The following PARD3B variants were observed in gnomAD, a reference collection of about 807,000 sequenced individuals.
The protein encoded by PARD3B is par-3 family cell polarity regulator beta, also known as partitioning defective 3 homolog B.
Under a neutral mutation model 130.2 loss-of-function variants are expected in PARD3B, and 103 were observed. That is an observed-to-expected ratio of 0.79 (90% CI 0.67 to 0.93). The LOEUF (loss-of-function observed/expected upper bound fraction) is 0.93. Among genes scored for constraint, PARD3B ranks in the 40% least tolerant of loss-of-function variants. The pLI is 0.00. For missense variants in PARD3B, 1,609 were observed against 1,499.2 expected (o/e 1.07, Z -1.21); for synonymous variants, 583 against 553.2 (o/e 1.05, Z -0.76).
chr2:204,866,313 GC>G (rs2045412554), intron 2 of PARD3B, among the ~76,000 whole-genome samples: 1 of 152,034 alleles, frequency 6.6e-6, no homozygotes, highest in Non-Finnish European at 1.5e-5. Context: ...TTCTCTGTGA[GC>G]TTTTGTTGTG....
chr2:204,863,997 A>C (rs979254709), intron 2 of PARD3B, among the ~76,000 whole-genome samples: 1 of 152,190 alleles, frequency 6.6e-6, no homozygotes, highest in Non-Finnish European at 1.5e-5. Flanking sequence ...TATCACTTTC[A>C]TTTAAGCTGT....
At chr2:205,431,857 A>G (rs549461210) in intron 19 of PARD3B, among the ~76,000 whole-genome samples, 4 of 152,276 alleles carry the variant, frequency 2.6e-5, no homozygotes, top group Admixed American at 1.3e-4. Context: ...AAACACCTCA[A>G]CAGAATTCAA....
chr2:205,318,322 G>A (rs562910885), intron 18 of PARD3B, among the ~76,000 whole-genome samples: 4 of 152,268 alleles, frequency 2.6e-5, no homozygotes, highest in Middle Eastern at 6.8e-3. Flanking sequence ...AAAGATGGAG[G>A]ACTTTGACCA....
rs566966306 is a variant in PARD3B, at chr2:205,429,642, T to C, written c.2742-10728T>C. Among the ~76,000 whole-genome samples, 4 of 152,318 alleles carry C rather than the reference T, an allele frequency of 2.6e-5. No individual in the cohort carries two copies. The East Asian group carries it at 5.8e-4, about 22-fold the overall frequency. On this transcript the variant is annotated intron_variant, in intron 19 of 22. Transcript: ENST00000406610. Reference sequence around the variant, plus strand: ...TATAACTGTACTTTGTTATGTTAAATTTAGAAAAATACACATTTTTCCAAA... The same window carrying C: ...TATAACTGTACTTTGTTATGTTAAACTTAGAAAAATACACATTTTTCCAAA...
At chr2:205,342,911 CTT>C in intron 18 of PARD3B, among the ~76,000 whole-genome samples, 1 of 152,244 alleles carries the variant, frequency 6.6e-6, no homozygotes, top group East Asian at 1.9e-4. Context: ...TCTGGAATCT[CTT>C]TTGTCTGTTA....
chr2:205,033,835 A>G (rs1223185786), intron 3 of PARD3B, among the ~76,000 whole-genome samples: 1 of 152,170 alleles, frequency 6.6e-6, no homozygotes, highest in African/African-American at 2.4e-5. Flanking sequence ...AAGTATCACA[A>G]ACTGAAAGAT....
chr2:204,581,327 A>T (rs1181815523), intron 1 of PARD3B, among the ~76,000 whole-genome samples: 1 of 152,162 alleles, frequency 6.6e-6, no homozygotes, highest in Non-Finnish European at 1.5e-5. Context: ...TAAATTCTTT[A>T]TTCTTTTTCT....
intron 3 of PARD3B, among the ~76,000 whole-genome samples, chr2:205,030,369 C>T (rs906143487): frequency 3.9e-5 from 6 of 152,138 alleles, no homozygotes; most frequent in African/African-American, 1.4e-4. Flanking sequence ...GTGGAGACAT[C>T]TTTGTCATTT....
rs547906135 is a variant in PARD3B, at chr2:205,156,217, A to G, written c.1435-2505A>G. Among the ~76,000 whole-genome samples, 18 of 141,388 alleles carry G rather than the reference A, an allele frequency of 1.3e-4. No homozygotes were observed. The East Asian group carries it at 2.8e-3, about 22-fold the overall frequency. The allele number at this position is 141,388 out of a possible 152,430, so 92.8% of individuals were successfully genotyped here. On this transcript the variant is annotated intron_variant, in intron 10 of 22. Coordinates refer to ENST00000406610, the MANE Select transcript of PARD3B (RefSeq NM_001302769.2). ...CATAGGTGGGAATTGAACAATGAGA[A>G]CACATGGACACAGGAAGGGGAACAT...
chr2:204,632,405 G>A (rs1417267232), intron 1 of PARD3B, among the ~76,000 whole-genome samples: 1 of 152,108 alleles, frequency 6.6e-6, no homozygotes, highest in African/African-American at 2.4e-5. Context: ...GTGTTCTTGC[G>A]CTGATTCTTT....
Position 205,400,994 on chromosome 2 carries a change from C to T in PARD3B, c.2631-19C>T. ...CAATGTGATTATTGTTAACAGCCTT[C>T]TCCTTCACGTTTCACTAGATTTGGA... On this transcript the variant is annotated intron_variant, in intron 18 of 22. Coordinates refer to ENST00000406610, the MANE Select transcript of PARD3B (RefSeq NM_001302769.2). 2 of 1,548,032 alleles carry T rather than the reference C, an allele frequency of 1.3e-6. No homozygotes were observed. The highest frequency in any genetic ancestry group is 1.4e-5 in the African/African-American group (1 of 74,032).
chr2:205,238,894 A>ATATGTATGTGTGTG (rs2039217841), intron 15 of PARD3B, among the ~76,000 whole-genome samples: 4 of 125,874 alleles, frequency 3.2e-5, no homozygotes, highest in Non-Finnish European at 6.7e-5. Flanking sequence ...GTGTATATAT[A>ATATGTATGTGTGTG]TATATATATA....
rs115015044 is a variant in PARD3B at position 205,592,378 on chromosome 2, C to T, written c.3261-23078C>T. ...GATGAGGCTGAAACTCAAATGAGTA[C>T]CCATTTAAAGAAAAGAAAACCCCTT... On this transcript the variant is annotated intron_variant, in intron 22 of 22. Coordinates refer to ENST00000406610, the MANE Select transcript of PARD3B (RefSeq NM_001302769.2). This position sits in a 1 kb window ranked among gnomAD's most constrained non-coding sequence, Gnocchi z 4.5. Among the ~76,000 whole-genome samples, 617 of 152,166 alleles carry T rather than the reference C, an allele frequency of 4.1e-3. 4 individuals are homozygous for T. The highest frequency in any genetic ancestry group is 0.014 in the African/African-American group (590 of 41,504).
chr2:204,813,952 A>G (rs2043054915), intron 2 of PARD3B, among the ~76,000 whole-genome samples: 1 of 151,874 alleles, frequency 6.6e-6, no homozygotes, highest in African/African-American at 2.4e-5. Context: ...TGGCTATTCT[A>G]GGTTCTTTGC....
chr2:205,534,473 T>C (rs1481237452), intron 21 of PARD3B, among the ~76,000 whole-genome samples: 12 of 152,012 alleles, frequency 7.9e-5, no homozygotes, highest in Non-Finnish European at 1.5e-4. Context: ...CCACTTTTTT[T>C]TTTTGGAGAC....
intron 22 of PARD3B, among the ~76,000 whole-genome samples, chr2:205,595,015 G>A (rs1027600683): frequency 6.6e-6 from 1 of 152,174 alleles, no homozygotes; most frequent in Non-Finnish European, 1.5e-5. Flanking sequence ...CCTTTTGTTT[G>A]TTTATTCACT....
intron 1 of PARD3B, among the ~76,000 whole-genome samples, chr2:204,562,802 C>T (rs1274353304): frequency 6.6e-6 from 1 of 151,538 alleles, no homozygotes; most frequent in Non-Finnish European, 1.5e-5. Context: ...TAAAAAAAAA[C>T]TGCAGTTCAA....
chr2:205,264,036 T>G (rs1244518879), intron 16 of PARD3B, among the ~76,000 whole-genome samples: 2 of 150,968 alleles, frequency 1.3e-5, no homozygotes, highest in Non-Finnish European at 3.0e-5. Context: ...TTTATATTTG[T>G]AAACAAGAGA....
intron 18 of PARD3B, among the ~76,000 whole-genome samples, chr2:205,398,391 GA>G (rs983303122): frequency 2.6e-5 from 4 of 151,832 alleles, no homozygotes; most frequent in Non-Finnish European, 5.9e-5. Context: ...TTTCTTCAGT[GA>G]AAAAAAAGGA....
Sources: allele counts gnomAD v4.1 joint callset (sites outside exome capture counted in the v4.1 genomes callset), GRCh38; gene constraint gnomAD v4.1.1; non-coding constraint Gnocchi (gnomAD v3.1); transcripts MANE v1.5; gene names NCBI Gene and HGNC (gene_info 2026-07-23, HGNC 2026-07-21).